CSMD1: variants seen among roughly 807,000 people sequenced by gnomAD.
CSMD1 encodes the protein CUB and sushi domain-containing protein 1.
CSMD1 carries 213 observed loss-of-function variants against 417.5 expected under a neutral mutation model. The ratio of observed to expected loss-of-function variants is 0.51; its 90% CI spans 0.46 to 0.57. The LOEUF is 0.57. CSMD1 is among the 20% of genes least tolerant of loss of function. The pLI, the probability that CSMD1 is intolerant of heterozygous loss-of-function variation, is 0.00. For missense variants in CSMD1, 6,923 were observed against 4,529.7 expected (o/e 1.53, Z -15.17); for synonymous variants, 2,862 against 1,736.8 (o/e 1.65, Z -16.11).
At chr8:3,217,031 C>A (rs949660378) in intron 29 of CSMD1, among the ~76,000 whole-genome samples, 1 of 152,126 alleles carries the variant, frequency 6.6e-6, no homozygotes, top group Non-Finnish European at 1.5e-5. Context: ...AGGCTAGATG[C>A]AATGACATCA....
intron 7 of CSMD1, among the ~76,000 whole-genome samples, chr8:3,674,736 C>A (rs754633519): frequency 9.2e-5 from 14 of 152,106 alleles, no homozygotes; most frequent in South Asian, 2.1e-4. Context: ...CAAGTCCCTG[C>A]CCTTCATCCC....
chr8:3,673,850 GCTCACCCCTGTAAT>G (rs1234097857), intron 7 of CSMD1, among the ~76,000 whole-genome samples: 1 of 152,266 alleles, frequency 6.6e-6, no homozygotes, highest in East Asian at 1.9e-4. Flanking sequence ...AGGCATGGTG[GCTCACCCCTGTAAT>G]CCTAGCACTT....
intron 1 of CSMD1, among the ~76,000 whole-genome samples, chr8:4,842,083 G>C (rs1800877672): frequency 6.6e-6 from 1 of 152,128 alleles, no homozygotes; most frequent in Non-Finnish European, 1.5e-5. Flanking sequence ...CGTCACCTAT[G>C]TGTACCATTC....
intron 49 of CSMD1, among the ~76,000 whole-genome samples, chr8:3,063,039 T>C (rs138698712): frequency 0.012 from 1,751 of 152,242 alleles, 38 homozygotes; most frequent in African/African-American, 0.04. Context: ...CTGATTCGGA[T>C]GCCAACCACC....
chr8:4,876,223 C>G (rs1013886941), intron 1 of CSMD1, among the ~76,000 whole-genome samples: 1 of 152,038 alleles, frequency 6.6e-6, no homozygotes, highest in African/African-American at 2.4e-5. Flanking sequence ...GGAGCTCAGT[C>G]TTTCAGTAAT....
intron 3 of CSMD1, among the ~76,000 whole-genome samples, chr8:4,227,314 C>G (rs1801419195): frequency 6.6e-6 from 1 of 152,248 alleles, no homozygotes; most frequent in African/African-American, 2.4e-5. Context: ...GTCGTGGCCT[C>G]TCCCACCACT....
At chr8:4,045,652 G>C (rs1208299614) in intron 3 of CSMD1, among the ~76,000 whole-genome samples, 1 of 152,194 alleles carries the variant, frequency 6.6e-6, no homozygotes, top group East Asian at 1.9e-4. Flanking sequence ...TGACAAGATG[G>C]ATTGTAGTAG....
chr8:4,170,527 C>T (rs900201431), intron 3 of CSMD1, among the ~76,000 whole-genome samples: 1 of 151,802 alleles, frequency 6.6e-6, no homozygotes, highest in Non-Finnish European at 1.5e-5. Context: ...GAGGTAAAGT[C>T]TATAGTCGGA....
chr8:4,562,386 C>T (rs956029441), intron 2 of CSMD1, among the ~76,000 whole-genome samples: 2 of 152,036 alleles, frequency 1.3e-5, no homozygotes, highest in Admixed American at 1.3e-4. Flanking sequence ...GAGGCATGAA[C>T]CTAGCCCTCA....
At chr8:4,724,646 T>G (rs2116925803) in intron 1 of CSMD1, among the ~76,000 whole-genome samples, 1 of 152,124 alleles carries the variant, frequency 6.6e-6, no homozygotes, top group East Asian at 1.9e-4. Flanking sequence ...AATGTAAGTT[T>G]CACACAGACA....
At chr8:4,397,414 A>T (rs950419417) in intron 3 of CSMD1, among the ~76,000 whole-genome samples, 1 of 152,144 alleles carries the variant, frequency 6.6e-6, no homozygotes, top group Non-Finnish European at 1.5e-5. Context: ...CAAAATAAGA[A>T]ATCATTAGGA....
At chr8:4,467,057 A>G (rs976703466) in intron 2 of CSMD1, among the ~76,000 whole-genome samples, 1 of 151,774 alleles carries the variant, frequency 6.6e-6, no homozygotes, top group African/African-American at 2.4e-5. Flanking sequence ...AGAACAATTA[A>G]AAGAAGTGAT....
At position 4,622,719 on chromosome 8, in the gene CSMD1, C is replaced by G. The variant is rs1400242253; in HGVS notation, c.302+14623G>C. Among the ~76,000 whole-genome samples the G allele has an allele frequency of 4.6e-5, 7 of 152,228 alleles. No homozygotes were observed. In the East Asian group the frequency reaches 1.2e-3, roughly 25 times the overall value. Reference sequence around the variant, plus strand: ...AGAATTCATTACATCCCACCTGTGCCTGTGTTCCTCACTTTTACCACTTCC... The same window carrying G: ...AGAATTCATTACATCCCACCTGTGCGTGTGTTCCTCACTTTTACCACTTCC... On this transcript the variant is annotated intron_variant, in intron 2 of 69. Coordinates refer to ENST00000635120, the MANE Select transcript of CSMD1 (RefSeq NM_033225.6).
At chr8:3,513,804 C>A (rs992125202) in intron 10 of CSMD1, among the ~76,000 whole-genome samples, 1 of 152,098 alleles carries the variant, frequency 6.6e-6, no homozygotes, top group Non-Finnish European at 1.5e-5. Context: ...ATTTTAATTA[C>A]GTAATAGAGT....
intron 5 of CSMD1, among the ~76,000 whole-genome samples, chr8:3,939,118 T>G (rs779768500): frequency 2.0e-5 from 3 of 152,140 alleles, no homozygotes; most frequent in Non-Finnish European, 2.9e-5. Context: ...TTTATTGAAT[T>G]ACAGAAAAAC....
chr8:4,705,560 C>T (rs191518461), intron 1 of CSMD1, among the ~76,000 whole-genome samples: 2 of 152,158 alleles, frequency 1.3e-5, no homozygotes, highest in Admixed American at 1.3e-4. Context: ...CGGCATATTT[C>T]TTTTTTGACT....
intron 2 of CSMD1, among the ~76,000 whole-genome samples, chr8:4,500,390 G>T (rs1454129593): frequency 6.6e-6 from 1 of 152,142 alleles, no homozygotes; most frequent in Non-Finnish European, 1.5e-5. Context: ...ATATATCACA[G>T]CCCGAAAAAA....
intron 7 of CSMD1, among the ~76,000 whole-genome samples, chr8:3,674,942 C>A (rs1472773001): frequency 6.6e-6 from 1 of 152,166 alleles, no homozygotes; most frequent in South Asian, 2.1e-4. Context: ...CCCCCTAAGC[C>A]TCTGTAGGCC....
intron 3 of CSMD1, among the ~76,000 whole-genome samples, chr8:4,098,618 G>T (rs1006088700): frequency 6.6e-6 from 1 of 152,080 alleles, no homozygotes. Flanking sequence ...ATAAGTGAAG[G>T]TAGTGAAATA....
Sources: gnomAD v4.1 joint callset for allele counts (sites outside exome capture counted in the v4.1 genomes callset) on GRCh38, gnomAD v4.1.1 for gene constraint, MANE v1.5 for transcripts, NCBI Gene and HGNC (gene_info 2026-07-23, HGNC 2026-07-21) for gene names.